DESI2: variants seen among roughly 807,000 people sequenced by gnomAD.
The protein encoded by DESI2 is deubiquitinase DESI2.
Under a neutral mutation model 24.1 loss-of-function variants are expected in DESI2, and 10 were observed. That is an observed-to-expected ratio of 0.41 (90% confidence interval 0.26 to 0.70). The LOEUF is 0.70. Ranked by LOEUF, DESI2 falls within the 30% of genes least tolerant of loss-of-function variation. DESI2 has a pLI of 0.29. For missense variants in DESI2, 122 were observed against 234.9 expected (o/e 0.52, Z 3.14); for synonymous variants, 71 against 87.7 (o/e 0.81, Z 1.06).
chr1:244,705,598 GCCTACTTCAGCT>G lies in DESI2; in HGVS notation c.398_409del (p.Tyr133_Ser136del). Reference sequence around the variant, plus strand: ...GATTCCTCGCTGGATCAATCGACTTGCCTACTTCAGCTCCTGTATACCCTTTCTACAGAGTTG... The same window carrying G: ...GATTCCTCGCTGGATCAATCGACTTGCCTGTATACCCTTTCTACAGAGTTG... On this transcript the variant is annotated inframe_deletion, in exon 5 of 5. Coordinates refer to ENST00000302550, the MANE Select transcript of DESI2 (RefSeq NM_016076.5). 6.2e-7 allele frequency: 1 copy of G among 1,614,120 alleles called. No homozygotes were observed.
intron 1 of DESI2, among the ~76,000 whole-genome samples, chr1:244,681,518 T>C (rs1676614050): frequency 6.6e-6 from 1 of 152,174 alleles, no homozygotes; most frequent in African/African-American, 2.4e-5. Flanking sequence ...GGTTTCAAGA[T>C]GAAACTGTTC....
At chr1:244,701,937 C>G (rs1468581413) in intron 4 of DESI2, among the ~76,000 whole-genome samples, 1 of 152,146 alleles carries the variant, frequency 6.6e-6, no homozygotes, top group Non-Finnish European at 1.5e-5. Flanking sequence ...CCTGTACATA[C>G]ATCTTTTTAT....
intron 4 of DESI2, among the ~76,000 whole-genome samples, chr1:244,703,033 GCT>G (rs1453760431): frequency 7.6e-6 from 1 of 131,272 alleles, no homozygotes; most frequent in Admixed American, 8.1e-5. Flanking sequence ...ACGAAGTCTT[GCT>G]CTGTCACCCA....
intron 4 of DESI2, among the ~76,000 whole-genome samples, chr1:244,700,525 A>G (rs1677406187): frequency 6.6e-6 from 1 of 152,080 alleles, no homozygotes; most frequent in Non-Finnish European, 1.5e-5. Context: ...TTTCTACCTC[A>G]GAACTGTTTC....
At position 244,704,981 on chromosome 1, in the gene DESI2, T is replaced by A. The variant is rs150001505; in HGVS notation, c.352-575T>A. ...CCCACACTTTTTTAATTTGAGACAC[T>A]CTTATCACCCAGGCTGTTTTTTCTG... is the stretch of plus-strand genomic sequence containing the variant. On this transcript the variant is annotated intron_variant, in intron 4 of 4. Transcript: ENST00000302550. 3.7e-4 allele frequency among the ~76,000 whole-genome samples: 56 copies of A among 152,156 alleles called. 1 individual carries two copies. The highest frequency in any genetic ancestry group is 4.4e-5 in the Non-Finnish European group (3 of 68,012).
At position 244,694,665 on chromosome 1, in the gene DESI2, TG is replaced by T. The variant is rs1677148315; in HGVS notation, c.351+2647del. 6 of 778,342 alleles carry T rather than the reference TG, an allele frequency of 7.7e-6. No homozygotes were observed. The South Asian group carries it at 8.1e-5, about 11-fold the overall frequency. 48.2% of individuals were successfully genotyped at this position (778,342 alleles called of 1,614,324 possible). On this transcript the variant is annotated intron_variant, in intron 4 of 4. Coordinates refer to ENST00000302550, the MANE Select transcript of DESI2 (RefSeq NM_016076.5). ...GTGGTAGGCCTTAGAGCCACAGCAG[TG>T]GCACGTGTGCGTCTTATTGCGACGC...
At chr1:244,694,817 G>A in intron 4 of DESI2, 1 of 531,476 alleles carries the variant, frequency 1.9e-6, no homozygotes, top group Non-Finnish European at 3.3e-6. Context: ...CTTTCCGGCT[G>A]CAGTGGCAGA....
chr1:244,687,225 T>G lies in DESI2; in HGVS notation c.115+556T>G, dbSNP rs112127615. 3.8e-3 allele frequency among the ~76,000 whole-genome samples: 585 copies of G among 152,326 alleles called. 2 individuals carry two copies. Among genetic ancestry groups the G allele is most frequent in the African/African-American group, 0.013 (554 of 41,576 alleles). On this transcript the variant is annotated intron_variant, in intron 2 of 4. Transcript: ENST00000302550. Reference sequence around the variant, plus strand: ...TACATCTAATCATGCCCTTTGTCATTAACTCAGCCCTTTTCATTCTCCTTA... The same window carrying G: ...TACATCTAATCATGCCCTTTGTCATGAACTCAGCCCTTTTCATTCTCCTTA...
chr1:244,660,942 C>G (rs1312706469), intron 1 of DESI2, among the ~76,000 whole-genome samples: 1 of 152,086 alleles, frequency 6.6e-6, no homozygotes, highest in Non-Finnish European at 1.5e-5. Flanking sequence ...TATTCCAAAG[C>G]TTTATTGGCC....
At chr1:244,683,092 C>G (rs2148801221) in intron 1 of DESI2, among the ~76,000 whole-genome samples, 2 of 152,200 alleles carry the variant, frequency 1.3e-5, no homozygotes, top group Admixed American at 1.3e-4. Flanking sequence ...GGGGTTCTGG[C>G]TAAACCAACC....
At chr1:244,676,369 G>A (rs61844160) in intron 1 of DESI2, among the ~76,000 whole-genome samples, 7,479 of 152,008 alleles carry the variant, frequency 0.049, 227 homozygotes, top group Middle Eastern at 0.082. Context: ...GAGCCACCGC[G>A]CCTGGCCTAC....
At chr1:244,697,002 C>T (rs1480883033) in intron 4 of DESI2, among the ~76,000 whole-genome samples, 1 of 152,172 alleles carries the variant, frequency 6.6e-6, no homozygotes, top group African/African-American at 2.4e-5. Context: ...ATTAAGCATG[C>T]ACATCCTACC....
intron 1 of DESI2, among the ~76,000 whole-genome samples, chr1:244,681,919 C>T (rs868350729): frequency 1.3e-5 from 2 of 152,024 alleles, no homozygotes; most frequent in Non-Finnish European, 2.9e-5. Flanking sequence ...AGAATGAAGC[C>T]GCAGACCCTC....
intron 1 of DESI2, among the ~76,000 whole-genome samples, chr1:244,679,614 TA>T (rs1467334150): frequency 5.3e-5 from 8 of 152,218 alleles, no homozygotes; most frequent in Non-Finnish European, 4.4e-5. Flanking sequence ...CTCACGCCTG[TA>T]ATCCCAGCAC....
intron 1 of DESI2, among the ~76,000 whole-genome samples, chr1:244,674,555 A>G (rs1558656099): frequency 6.6e-6 from 1 of 152,134 alleles, no homozygotes; most frequent in Non-Finnish European, 1.5e-5. Context: ...CCACGAATCT[A>G]CTTTCCGTCT....
intron 1 of DESI2, among the ~76,000 whole-genome samples, chr1:244,676,856 G>A (rs1217343602): frequency 6.9e-6 from 1 of 145,860 alleles, no homozygotes; most frequent in Non-Finnish European, 1.5e-5. Flanking sequence ...TTTGTCCAGT[G>A]CTTTTCTTTG....
intron 1 of DESI2, among the ~76,000 whole-genome samples, chr1:244,681,235 A>G (rs1676601610): frequency 6.6e-6 from 1 of 152,162 alleles, no homozygotes; most frequent in Non-Finnish European, 1.5e-5. Context: ...CATTGCTTCT[A>G]CTTCAGTGGG....
chr1:244,704,935 G>A (rs1394552802), intron 4 of DESI2, among the ~76,000 whole-genome samples: 1 of 152,146 alleles, frequency 6.6e-6, no homozygotes, highest in Non-Finnish European at 1.5e-5. Context: ...TGGTATTACA[G>A]GTGTGAGCCA....
intron 1 of DESI2, among the ~76,000 whole-genome samples, chr1:244,655,294 A>G (rs1383867217): frequency 6.6e-6 from 1 of 152,242 alleles, no homozygotes; most frequent in African/African-American, 2.4e-5. Flanking sequence ...TTGTAGACCA[A>G]AATCTGATTC....
Sources: gnomAD v4.1 joint callset for allele counts (sites outside exome capture counted in the v4.1 genomes callset) on GRCh38, gnomAD v4.1.1 for gene constraint, MANE v1.5 for transcripts, NCBI Gene and HGNC (gene_info 2026-07-23, HGNC 2026-07-21) for gene names.